The following BANK1 variants were observed in gnomAD, a reference collection of about 807,000 sequenced individuals.
The protein encoded by BANK1 is B-cell scaffold protein with ankyrin repeats.
A neutral mutation model predicts 94.5 loss-of-function variants in BANK1; 95 were observed. The ratio of observed to expected loss-of-function variants is 1.00; its 90% CI spans 0.85 to 1.19. The LOEUF is 1.19. Ranked by LOEUF, BANK1 falls within the 50% of genes most tolerant of loss-of-function variation. The probability of loss-of-function intolerance (pLI) is 0.00; values close to 1 mark genes in which losing one functional copy is unlikely to be tolerated. For missense variants in BANK1, 987 were observed against 932.2 expected (o/e 1.06, Z -0.77); for synonymous variants, 334 against 308.4 (o/e 1.08, Z -0.87).
chr4:102,006,723 C>T (rs189081518), intron 7 of BANK1, among the ~76,000 whole-genome samples: 1 of 151,820 alleles, frequency 6.6e-6, no homozygotes, highest in African/African-American at 2.4e-5. Context: ...TTTTTCTCAC[C>T]TTCATGACAG....
intron 6 of BANK1, among the ~76,000 whole-genome samples, chr4:101,906,577 G>A (rs769930130): frequency 7.2e-5 from 11 of 152,220 alleles, no homozygotes; most frequent in East Asian, 1.9e-4. Flanking sequence ...TTCCTTTGCC[G>A]CTTTAGCTTT....
chr4:101,903,250 A>C (rs1357576530), intron 6 of BANK1, among the ~76,000 whole-genome samples: 1 of 152,230 alleles, frequency 6.6e-6, no homozygotes. Flanking sequence ...CCTTCATTTT[A>C]GGAAAATGAT....
At chr4:102,021,643 C>G in intron 8 of BANK1, 51 bp downstream of exon 8, 2 of 713,238 alleles carry the variant, frequency 2.8e-6, no homozygotes, top group Non-Finnish European at 4.1e-6. Flanking sequence ...ATATATATCA[C>G]ATATATATGT....
intron 2 of BANK1, among the ~76,000 whole-genome samples, chr4:101,854,475 G>T (rs1727607181): frequency 6.6e-6 from 1 of 152,014 alleles, no homozygotes; most frequent in African/African-American, 2.4e-5. Context: ...CAATTTATTT[G>T]ATATAGACAC....
intron 7 of BANK1, among the ~76,000 whole-genome samples, chr4:101,940,265 T>C (rs1204866310): frequency 3.3e-5 from 5 of 150,986 alleles, no homozygotes; most frequent in African/African-American, 1.2e-4. Context: ...AAAAAACAGA[T>C]TCGAAAGTCA....
intron 13 of BANK1, among the ~76,000 whole-genome samples, chr4:102,070,142 G>T (rs114305254): frequency 0.043 from 6,489 of 152,168 alleles, 471 homozygotes; most frequent in African/African-American, 0.15. Flanking sequence ...TTATTAAAAA[G>T]CTTTAGAGCA....
chr4:102,012,033 T>C (rs1726528585), intron 7 of BANK1, among the ~76,000 whole-genome samples: 1 of 152,184 alleles, frequency 6.6e-6, no homozygotes, highest in Non-Finnish European at 1.5e-5. Flanking sequence ...GATATGTATG[T>C]ATGTCTCCTA....
In BANK1 at chr4:101,829,820, A is replaced by T. The variant is rs149847841; in HGVS notation, c.83A>T (p.Asp28Val). The change falls in exon 2 of 17, where the codon GAT becomes GTT. Residue 28 changes from aspartate to valine, a missense_variant. Asp to Val is a radical substitution (Grantham distance 152, BLOSUM62 -3). Transcript: ENST00000322953. ...CGPAPPGNTKDIIMIYEEDAE... is the reference protein window; with the variant it reads ...CGPAPPGNTKVIIMIYEEDAE... ...TTTCTTTTTCCAGGAAATACAAAAG[A>T]TATAATAATGATATATGAAGAAGAT... 2.7e-5 allele frequency: 42 copies of T among 1,542,590 alleles called. No individual in the cohort carries two copies. The African/African-American group carries it at 5.3e-4, about 19-fold the overall frequency.
chr4:101,888,754 T>G (rs73836629), intron 5 of BANK1, among the ~76,000 whole-genome samples: 331 of 152,332 alleles, frequency 2.2e-3, no homozygotes, highest in African/African-American at 7.5e-3. Context: ...ACATTAGCAG[T>G]GCTCCGCATG....
intron 7 of BANK1, among the ~76,000 whole-genome samples, chr4:102,019,732 T>C (rs1463726300): frequency 6.6e-6 from 1 of 152,204 alleles, no homozygotes; most frequent in African/African-American, 2.4e-5. Context: ...TTTTTCAAAA[T>C]AAATATGATT....
intron 7 of BANK1, among the ~76,000 whole-genome samples, chr4:101,922,972 T>C (rs530437989): frequency 6.8e-4 from 104 of 151,982 alleles, no homozygotes; most frequent in African/African-American, 2.2e-3. Context: ...TAAATCTTTT[T>C]GCTTTATTGT....
At chr4:102,013,223 T>A (rs1726569320) in intron 7 of BANK1, among the ~76,000 whole-genome samples, 1 of 152,126 alleles carries the variant, frequency 6.6e-6, no homozygotes, top group Admixed American at 6.6e-5. Flanking sequence ...AGTTCCTTAA[T>A]CAATTATTCG....
chr4:101,975,535 G>T (rs891664421), intron 7 of BANK1, among the ~76,000 whole-genome samples: 3 of 152,152 alleles, frequency 2.0e-5, no homozygotes, highest in African/African-American at 7.2e-5. Flanking sequence ...TATTTGTCCA[G>T]AGACAGTTCT....
At chr4:101,985,659 AT>A (rs1283025960) in intron 7 of BANK1, among the ~76,000 whole-genome samples, 1 of 152,146 alleles carries the variant, frequency 6.6e-6, no homozygotes, top group Non-Finnish European at 1.5e-5. Flanking sequence ...AAGTTGATGC[AT>A]GTAAAAATAT....
At chr4:102,014,296 A>G (rs6532984) in intron 7 of BANK1, among the ~76,000 whole-genome samples, 14,415 of 152,110 alleles carry the variant, frequency 0.095, 1,298 homozygotes, top group African/African-American at 0.24. Flanking sequence ...TGATTGGGTA[A>G]CTTTGCTCTT....
intron 7 of BANK1, among the ~76,000 whole-genome samples, chr4:101,959,478 G>A (rs542893680): frequency 6.6e-6 from 1 of 152,192 alleles, no homozygotes; most frequent in South Asian, 2.1e-4. Context: ...ATACAGACAA[G>A]GAAAATTGAG....
At chr4:101,839,991 C>A (rs1726979725) in intron 2 of BANK1, among the ~76,000 whole-genome samples, 3 of 58,664 alleles carry the variant, frequency 5.1e-5, no homozygotes, top group Admixed American at 2.9e-4. Context: ...TTTTTTGAGA[C>A]AGAGTCTCGC....
rs545900020 is a variant in BANK1 at position 101,820,859 on chromosome 4, T to C, written c.71-8949T>C. Among the ~76,000 whole-genome samples, 5 of 152,348 alleles carry C rather than the reference T, an allele frequency of 3.3e-5. No homozygotes were observed. The East Asian group carries it at 7.7e-4, about 23-fold the overall frequency. ...TGGTGTGTATGTACCACATTCTTTT[T>C]ATCCAATCTGTCATTGATGGGCTCT... On this transcript the variant is annotated intron_variant, in intron 1 of 16. Coordinates refer to ENST00000322953, the MANE Select transcript of BANK1 (RefSeq NM_017935.5).
chr4:101,805,589 A>G (rs1297635682), intron 1 of BANK1, among the ~76,000 whole-genome samples: 1 of 149,822 alleles, frequency 6.7e-6, no homozygotes, highest in Non-Finnish European at 1.5e-5. Flanking sequence ...AATATTTATT[A>G]TTTGTATAAT....
Sources: gnomAD v4.1 joint callset for allele counts (sites outside exome capture counted in the v4.1 genomes callset) on GRCh38, gnomAD v4.1.1 for gene constraint, MANE v1.5 for transcripts, NCBI Gene and HGNC (gene_info 2026-07-23, HGNC 2026-07-21) for gene names.